YAP1: variants seen among roughly 807,000 people sequenced by gnomAD.
YAP1 encodes the protein Yes1 associated transcriptional regulator.
Under a neutral mutation model 56.9 loss-of-function variants are expected in YAP1, and 5 were observed. That is an observed-to-expected ratio of 0.09 (90% CI 0.05 to 0.18). YAP1 has a LOEUF of 0.18. Ranked by LOEUF, YAP1 falls within the 10% of genes least tolerant of loss-of-function variation. The pLI is 1.00. For synonymous variants in YAP1, 265 were observed against 248.1 expected, an observed-to-expected ratio of 1.07 and a Z score of -0.64; for missense variants, 539 against 651.8, an observed-to-expected ratio of 0.83 and a Z score of 1.88.
chr11:102,221,977 C>G (rs1237435079), intron 6 of YAP1, among the ~76,000 whole-genome samples: 1 of 151,548 alleles, frequency 6.6e-6, no homozygotes, highest in African/African-American at 2.4e-5. Flanking sequence ...CATTGAAGTT[C>G]AGAGACTCTC....
chr11:102,171,972 C>G (rs563208287), intron 3 of YAP1, among the ~76,000 whole-genome samples: 23 of 152,066 alleles, frequency 1.5e-4, no homozygotes, highest in Admixed American at 8.5e-4. Context: ...GGTGGATCAC[C>G]TGAGGTTAGG....
chr11:102,184,234 T>C (rs1047951438), intron 3 of YAP1, among the ~76,000 whole-genome samples: 3 of 152,236 alleles, frequency 2.0e-5, no homozygotes, highest in African/African-American at 4.8e-5. Context: ...TTAGTTGTTT[T>C]GCAAAAGCTT....
At chr11:102,144,884 ACACTCATGCTCACACACT>A (rs1945237919) in intron 2 of YAP1, among the ~76,000 whole-genome samples, 1 of 151,322 alleles carries the variant, frequency 6.6e-6, no homozygotes, top group Non-Finnish European at 1.5e-5. Context: ...ACACATACAC[ACACTCATGCTCACACACT>A]CATGCTCACA....
chr11:102,181,378 G>A (rs892394058), intron 3 of YAP1, among the ~76,000 whole-genome samples: 15 of 151,630 alleles, frequency 9.9e-5, no homozygotes, highest in African/African-American at 2.9e-4. Context: ...CCCGGGAGGC[G>A]GAGCTTGCAG....
Position 102,232,586 on chromosome 11 carries a change from A to T in YAP1, c.*2646A>T, listed in dbSNP as rs1369188286. On this transcript the variant is annotated 3_prime_UTR_variant, in exon 9 of 9. Coordinates refer to ENST00000282441, the MANE Select transcript of YAP1 (RefSeq NM_001130145.3). ...GAGTCCTTTCCCTTTTTGAGTTTGAATCATAGCCTTGATGTGGTCTCTTGT... is the reference window on the plus strand; with the variant it reads ...GAGTCCTTTCCCTTTTTGAGTTTGATTCATAGCCTTGATGTGGTCTCTTGT... 1.3e-5 allele frequency: 2 copies of T among 152,602 alleles called. No homozygotes were observed. Among genetic ancestry groups the T allele is most frequent in the African/African-American group, 4.8e-5 (2 of 41,412 alleles). The allele number at this position is 152,602 out of a possible 1,614,324, so 9.5% of individuals were successfully genotyped here.
chr11:102,154,494 A>G (rs553422950), intron 2 of YAP1, among the ~76,000 whole-genome samples: 26 of 152,144 alleles, frequency 1.7e-4, no homozygotes, highest in African/African-American at 4.8e-4. Flanking sequence ...GTATATATAT[A>G]TGTGTGTATA....
At chr11:102,132,425 CATTTTTTG>C (rs1339025831) in intron 2 of YAP1, among the ~76,000 whole-genome samples, 1 of 152,066 alleles carries the variant, frequency 6.6e-6, no homozygotes, top group Non-Finnish European at 1.5e-5. Flanking sequence ...GTATTTTTTT[CATTTTTTG>C]AAAAACAGTT....
At chr11:102,158,737 A>G (rs1727635896) in intron 2 of YAP1, among the ~76,000 whole-genome samples, 1 of 152,232 alleles carries the variant, frequency 6.6e-6, no homozygotes, top group Admixed American at 6.5e-5. Context: ...GTGCTTTCAC[A>G]AATTAGCATT....
At chr11:102,161,471 T>C (rs1946289883) in intron 2 of YAP1, among the ~76,000 whole-genome samples, 1 of 152,090 alleles carries the variant, frequency 6.6e-6, no homozygotes, top group Non-Finnish European at 1.5e-5. Flanking sequence ...ATATTATATG[T>C]TCTTCTAAAA....
intron 2 of YAP1, among the ~76,000 whole-genome samples, chr11:102,139,071 C>A (rs1199713129): frequency 6.7e-6 from 1 of 149,528 alleles, no homozygotes; most frequent in South Asian, 2.1e-4. Context: ...TTTTTCTCTT[C>A]ATGAAATTGA....
At chr11:102,201,736 A>G (rs963692193) in intron 4 of YAP1, among the ~76,000 whole-genome samples, 1 of 152,192 alleles carries the variant, frequency 6.6e-6, no homozygotes, top group African/African-American at 2.4e-5. Flanking sequence ...AGTAAAAACC[A>G]TGCATCCTAA....
chr11:102,123,647 T>TTTC (rs1565429588), intron 2 of YAP1, among the ~76,000 whole-genome samples: 1 of 125,320 alleles, frequency 8.0e-6, no homozygotes, highest in Non-Finnish European at 1.7e-5. Flanking sequence ...TTTTTTTTTC[T>TTTC]TTTTTTTTTC....
At chr11:102,113,508 A>G (rs1281691909) in intron 1 of YAP1, among the ~76,000 whole-genome samples, 1 of 152,158 alleles carries the variant, frequency 6.6e-6, no homozygotes, top group Non-Finnish European at 1.5e-5. Flanking sequence ...TAACATCTTT[A>G]TCTTCTACAT....
intron 2 of YAP1, among the ~76,000 whole-genome samples, chr11:102,144,722 T>C (rs555124769): frequency 2.6e-5 from 4 of 152,330 alleles, no homozygotes; most frequent in Admixed American, 6.5e-5. Context: ...AATTATTTAA[T>C]AGAAATATTT....
Position 102,231,135 on chromosome 11 carries a change from T to C in YAP1, c.*1195T>C, listed in dbSNP as rs1355141299. 37 of 152,230 alleles carry C rather than the reference T, an allele frequency of 2.4e-4. No homozygotes were observed. The highest frequency in any genetic ancestry group is 2.4e-3 in the Admixed American group (37 of 15,278). The allele number at this position is 152,230 out of a possible 1,614,324, so 9.4% of individuals were successfully genotyped here. ...ACGCCCTCTGGGCATACGGTAGATA[T>C]TATCTGATGAATTGGAAAGGAGCAA... On this transcript the variant is annotated 3_prime_UTR_variant, in exon 9 of 9. Transcript: ENST00000282441.
intron 2 of YAP1, among the ~76,000 whole-genome samples, chr11:102,123,658 G>A (rs1275622889): frequency 1.0e-4 from 10 of 97,646 alleles, no homozygotes; most frequent in Admixed American, 5.1e-4. Flanking sequence ...TTTTTTTTTC[G>A]AGACACAGTC....
At chr11:102,220,611 A>T (rs1339083058) in intron 6 of YAP1, among the ~76,000 whole-genome samples, 1 of 152,144 alleles carries the variant, frequency 6.6e-6, no homozygotes, top group Non-Finnish European at 1.5e-5. Context: ...AAAAAATAAG[A>T]TACCAAAAGA....
Position 102,110,638 on chromosome 11 carries a change from G to C in YAP1, c.-211G>C. The C allele has an allele frequency of 3.5e-6, 1 of 283,688 alleles. No homozygotes were observed. The highest frequency in any genetic ancestry group is 6.1e-6 in the Non-Finnish European group (1 of 165,238). The allele number at this position is 283,688 out of a possible 1,614,324, so 17.6% of individuals were successfully genotyped here. On this transcript the variant is annotated 5_prime_UTR_variant, in exon 1 of 9. Coordinates refer to ENST00000282441, the MANE Select transcript of YAP1 (RefSeq NM_001130145.3). The stretch of plus-strand genomic sequence containing the variant: ...AGCCCCTCCCGAGGCGCAGCCGCCA[G>C]ACCAGTGGAGCCGGGGCGCAGGGCG...
chr11:102,194,858 A>G (rs1948492174), intron 4 of YAP1, among the ~76,000 whole-genome samples: 1 of 152,204 alleles, frequency 6.6e-6, no homozygotes, highest in African/African-American at 2.4e-5. Flanking sequence ...TGACCTGTTT[A>G]TTCATTAATC....
Sources: gnomAD v4.1 joint callset for allele counts (sites outside exome capture counted in the v4.1 genomes callset) on GRCh38, gnomAD v4.1.1 for gene constraint, MANE v1.5 for transcripts, NCBI Gene and HGNC (gene_info 2026-07-23, HGNC 2026-07-21) for gene names.